GPR137B: variants seen among roughly 807,000 people sequenced by gnomAD.
The protein encoded by GPR137B is integral membrane protein GPR137B.
GPR137B carries 42 observed loss-of-function variants against 42.5 expected under a neutral mutation model. The ratio of observed to expected loss-of-function variants is 0.99; its 90% CI spans 0.77 to 1.28. GPR137B has a LOEUF of 1.28. Among genes scored for constraint, GPR137B ranks in the 50% most tolerant of loss-of-function variants. The pLI is 0.00. For missense variants in GPR137B, 487 were observed against 493.9 expected, an observed-to-expected ratio of 0.99 and a Z score of 0.13; for synonymous variants, 218 against 209.7, an observed-to-expected ratio of 1.04 and a Z score of -0.34.
At chr1:236,159,069 A>G (rs1662112181) in intron 1 of GPR137B, among the ~76,000 whole-genome samples, 1 of 152,162 alleles carries the variant, frequency 6.6e-6, no homozygotes, top group Non-Finnish European at 1.5e-5. Context: ...CCAGCTACTC[A>G]GGAGGCCGAG....
rs55840600 is a variant in GPR137B at position 236,208,319 on chromosome 1, G to C, written c.*161G>C. The C allele has an allele frequency of 2.3e-3, 3,208 of 1,382,478 alleles. 6 individuals are homozygous for C. The highest frequency in any genetic ancestry group is 2.8e-3 in the Non-Finnish European group (3,039 of 1,068,468). The allele number at this position is 1,382,478 out of a possible 1,614,324, so 85.6% of individuals were successfully genotyped here. ...ATAGGAATAAGCAATAATGTAGACT[G>C]ATAAACCCTTATTTTAGTACTAAAG... On this transcript the variant is annotated 3_prime_UTR_variant, in exon 7 of 7. Transcript: ENST00000366592.
At chr1:236,159,869 G>A (rs1275655532) in intron 1 of GPR137B, among the ~76,000 whole-genome samples, 1 of 152,246 alleles carries the variant, frequency 6.6e-6, no homozygotes, top group Non-Finnish European at 1.5e-5. Context: ...GGATGAGGAG[G>A]CCTTGGCCCA....
chr1:236,177,426 C>T (rs1453946463), intron 2 of GPR137B, among the ~76,000 whole-genome samples: 1 of 152,162 alleles, frequency 6.6e-6, no homozygotes, highest in African/African-American at 2.4e-5. Context: ...ATGTCCTAGT[C>T]TTTCCATAGA....
At chr1:236,164,998 G>A (rs1044863979) in intron 1 of GPR137B, among the ~76,000 whole-genome samples, 17 of 151,998 alleles carry the variant, frequency 1.1e-4, no homozygotes, top group African/African-American at 3.9e-4. Flanking sequence ...TTTGCCTCCC[G>A]GGTTCAAGCA....
intron 2 of GPR137B, among the ~76,000 whole-genome samples, chr1:236,170,349 G>T (rs1662497251): frequency 2.0e-5 from 3 of 152,136 alleles, no homozygotes; most frequent in Admixed American, 6.5e-5. Flanking sequence ...AGGTGTAATA[G>T]TTTAATCCTG....
chr1:236,147,196 T>C (rs1661704994), intron 1 of GPR137B, among the ~76,000 whole-genome samples: 1 of 152,198 alleles, frequency 6.6e-6, no homozygotes, highest in Non-Finnish European at 1.5e-5. Context: ...CAGGGCTTGG[T>C]GCAGAGGGTG....
chr1:236,184,037 A>C, intron 5 of GPR137B, 131 bp downstream of exon 5: 1 of 596,934 alleles, frequency 1.7e-6, no homozygotes, highest in Non-Finnish European at 2.9e-6. Flanking sequence ...AGTTTCCTTG[A>C]CTATTTTATT....
intron 5 of GPR137B, among the ~76,000 whole-genome samples, chr1:236,200,756 G>A (rs1202537645): frequency 2.0e-5 from 3 of 151,950 alleles, no homozygotes; most frequent in Non-Finnish European, 2.9e-5. Context: ...TGAGTCTCTT[G>A]AAGACAGCAG....
chr1:236,198,017 G>A (rs890254842), intron 5 of GPR137B, among the ~76,000 whole-genome samples: 9 of 151,856 alleles, frequency 5.9e-5, no homozygotes, highest in Non-Finnish European at 1.2e-4. Flanking sequence ...CACTGCATCC[G>A]GCCCTGCCTG....
At chr1:236,180,112 C>A (rs1571990340) in intron 4 of GPR137B, 84 bp downstream of exon 4, 1 of 1,102,490 alleles carries the variant, frequency 9.1e-7, no homozygotes, top group Non-Finnish European at 1.4e-6. Flanking sequence ...CCAGAAAATA[C>A]CAAAATCTGG....
At chr1:236,197,171 T>C (rs1361983633) in intron 5 of GPR137B, among the ~76,000 whole-genome samples, 4 of 152,228 alleles carry the variant, frequency 2.6e-5, no homozygotes, top group Non-Finnish European at 2.9e-5. Context: ...TTGTTGGCCA[T>C]ATGGATATCT....
chr1:236,201,566 CA>C (rs1374019495), intron 5 of GPR137B, among the ~76,000 whole-genome samples: 1 of 151,986 alleles, frequency 6.6e-6, no homozygotes, highest in African/African-American at 2.4e-5. Flanking sequence ...TGAAACTTTA[CA>C]GTGAATTTTT....
intron 1 of GPR137B, among the ~76,000 whole-genome samples, chr1:236,149,255 C>A (rs76865557): frequency 6.1e-4 from 92 of 151,792 alleles, no homozygotes; most frequent in Non-Finnish European, 3.2e-4. Flanking sequence ...CAAGCCTAAT[C>A]GCAGTGCCTG....
rs971879131 is a variant in GPR137B, at chr1:236,190,240, G to A, written c.966+6334G>A. ...CTATGTATGTCTTTTCACGTGAGAT[G>A]GGTCTCCTGAATACAGCATAGTGAT... On this transcript the variant is annotated intron_variant, in intron 5 of 6. Coordinates refer to ENST00000366592, the MANE Select transcript of GPR137B (RefSeq NM_003272.4). 2.7e-5 allele frequency among the ~76,000 whole-genome samples: 4 copies of A among 147,746 alleles called. No individual in the cohort carries two copies. In the East Asian group the frequency reaches 6.1e-4, roughly 22 times the overall value.
Position 236,183,792 on chromosome 1 carries a change from T to C in GPR137B, c.852T>C (p.Asn284=). 1 of 1,607,706 alleles carries C rather than the reference T, an allele frequency of 6.2e-7. No homozygotes were observed. The highest frequency in any genetic ancestry group is 8.5e-7 in the Non-Finnish European group (1 of 1,175,228). The change falls in exon 5 of 7, where the codon AAT becomes AAC. Residue 284 remains asparagine (N), a synonymous_variant. Transcript: ENST00000366592. ...YNVSDQADLK[N]QLGDAGYVLF... ...GTTTCTAACAGGCAGATTTGAAGAA[T>C]CAGCTGGGAGATGCTGGATACGTAT...
At chr1:236,169,172 C>CTGCAGG (rs879888159) in intron 2 of GPR137B, among the ~76,000 whole-genome samples, 3,680 of 148,792 alleles carry the variant, frequency 0.025, 92 homozygotes, top group African/African-American at 0.063. Flanking sequence ...CATGCTCCCA[C>CTGCAGG]TGCAGGTGCA....
intron 4 of GPR137B, among the ~76,000 whole-genome samples, chr1:236,181,830 A>G (rs1193394988): frequency 1.3e-5 from 2 of 152,140 alleles, no homozygotes; most frequent in Non-Finnish European, 2.9e-5. Context: ...GATTAATTAG[A>G]GACAATCATA....
intron 5 of GPR137B, among the ~76,000 whole-genome samples, chr1:236,204,796 T>C (rs1222723975): frequency 3.9e-5 from 6 of 152,180 alleles, no homozygotes; most frequent in Non-Finnish European, 8.8e-5. Flanking sequence ...GTAGGCTGTA[T>C]GTGTCTTGGA....
chr1:236,184,646 G>A (rs1258381363), intron 5 of GPR137B, among the ~76,000 whole-genome samples: 1 of 152,166 alleles, frequency 6.6e-6, no homozygotes, highest in African/African-American at 2.4e-5. Flanking sequence ...ATAATTCACA[G>A]TTCTTATTTC....
Sources: gnomAD v4.1 joint callset for allele counts (sites outside exome capture counted in the v4.1 genomes callset) on GRCh38, gnomAD v4.1.1 for gene constraint, MANE v1.5 for transcripts, NCBI Gene and HGNC (gene_info 2026-07-23, HGNC 2026-07-21) for gene names.